The following ADAMTS17 variants were observed in gnomAD, a reference collection of about 807,000 sequenced individuals.
ADAMTS17 encodes A disintegrin and metalloproteinase with thrombospondin motifs 17.
ADAMTS17 carries 113 observed loss-of-function variants against 141.5 expected under a neutral mutation model. That is an observed-to-expected ratio of 0.80 (90% CI 0.69 to 0.93). ADAMTS17 has a LOEUF of 0.93. ADAMTS17 is among the 40% of genes least tolerant of loss of function. ADAMTS17 has a pLI of 0.00. For missense variants in ADAMTS17, 1,659 were observed against 1,517.9 expected, an observed-to-expected ratio of 1.09 and a Z score of -1.54; for synonymous variants, 768 against 630.6, an observed-to-expected ratio of 1.22 and a Z score of -3.27.
intron 8 of ADAMTS17, among the ~76,000 whole-genome samples, chr15:100,159,991 T>A (rs919341150): frequency 6.6e-6 from 1 of 152,098 alleles, no homozygotes; most frequent in Non-Finnish European, 1.5e-5. Context: ...TACACAGAGG[T>A]TGCACTTGCC....
intron 12 of ADAMTS17, among the ~76,000 whole-genome samples, chr15:100,127,846 T>G (rs2037823583): frequency 6.6e-6 from 1 of 151,900 alleles, no homozygotes; most frequent in South Asian, 2.1e-4. Flanking sequence ...AATCCCAAAG[T>G]GCTGGAATTA....
At chr15:99,976,338 CA>C (rs1317811631) in intron 20 of ADAMTS17, 116 bp from the exon 21 acceptor site, 8 of 1,337,778 alleles carry the variant, frequency 6.0e-6, no homozygotes, top group African/African-American at 3.1e-5. Context: ...TACACGAGGT[CA>C]GGGGGCTGGG....
chr15:100,167,950 G>A (rs58875131), intron 8 of ADAMTS17, among the ~76,000 whole-genome samples: 3,183 of 152,314 alleles, frequency 0.021, 132 homozygotes, highest in East Asian at 0.17. Flanking sequence ...CTCTGGCCCA[G>A]GACACAGAAA....
chr15:99,991,821 A>G (rs1408547420), intron 20 of ADAMTS17, among the ~76,000 whole-genome samples: 1 of 152,226 alleles, frequency 6.6e-6, no homozygotes, highest in Non-Finnish European at 1.5e-5. Context: ...GCACATATAT[A>G]CCACGGAATA....
intron 8 of ADAMTS17, among the ~76,000 whole-genome samples, chr15:100,183,977 G>C (rs978914139): frequency 2.6e-5 from 4 of 152,290 alleles, no homozygotes; most frequent in East Asian, 1.9e-4. Flanking sequence ...CCTCCTATAG[G>C]GGGGTCAGGG....
At chr15:100,055,193 T>C (rs569812792) in intron 15 of ADAMTS17, among the ~76,000 whole-genome samples, 10 of 152,288 alleles carry the variant, frequency 6.6e-5, no homozygotes, top group Middle Eastern at 3.4e-3. Context: ...ATATATCTCA[T>C]TGGGACCCTA....
chr15:100,326,376 G>C (rs2045901514), intron 3 of ADAMTS17, among the ~76,000 whole-genome samples: 1 of 152,146 alleles, frequency 6.6e-6, no homozygotes, highest in Non-Finnish European at 1.5e-5. Flanking sequence ...TATCCACTGG[G>C]AGAGCTACGG....
intron 4 of ADAMTS17, among the ~76,000 whole-genome samples, chr15:100,271,047 C>T (rs907225723): frequency 5.9e-5 from 9 of 152,024 alleles, no homozygotes; most frequent in South Asian, 2.1e-4. Flanking sequence ...GTCTTCACAG[C>T]TCATCTATGT....
At chr15:100,305,876 C>G (rs2045205935) in intron 3 of ADAMTS17, 1 of 152,220 alleles carries the variant, frequency 6.6e-6, no homozygotes, top group African/African-American at 2.4e-5. Flanking sequence ...TTTAAACAAA[C>G]TCATCACATT....
At chr15:100,100,880 C>T (rs2036055505) in intron 14 of ADAMTS17, among the ~76,000 whole-genome samples, 1 of 152,026 alleles carries the variant, frequency 6.6e-6, no homozygotes, top group Non-Finnish European at 1.5e-5. Flanking sequence ...CTGCCTTCCT[C>T]CCCCACTCCA....
At chr15:100,274,146 G>C (rs1354224570) in intron 4 of ADAMTS17, among the ~76,000 whole-genome samples, 1 of 152,136 alleles carries the variant, frequency 6.6e-6, no homozygotes, top group Admixed American at 6.5e-5. Context: ...GGAAAAAAAA[G>C]TCTTCCATTG....
At chr15:100,020,289 T>C (rs548777252) in intron 18 of ADAMTS17, among the ~76,000 whole-genome samples, 23 of 152,274 alleles carry the variant, frequency 1.5e-4, no homozygotes, top group Middle Eastern at 6.8e-3. Flanking sequence ...TCTCAGAAAA[T>C]GTCCTGGGGC....
At chr15:100,028,074 C>A (rs775524312) in intron 18 of ADAMTS17, among the ~76,000 whole-genome samples, 12 of 152,144 alleles carry the variant, frequency 7.9e-5, no homozygotes, top group Non-Finnish European at 1.3e-4. Flanking sequence ...AACTGTAGTG[C>A]CTGGGTGATG....
chr15:100,298,944 G>T (rs973558933), intron 3 of ADAMTS17, among the ~76,000 whole-genome samples: 1 of 152,172 alleles, frequency 6.6e-6, no homozygotes, highest in African/African-American at 2.4e-5. Context: ...GGCCACGAGG[G>T]AAGGACTTGT....
At position 100,051,640 on chromosome 15, in the gene ADAMTS17, T is replaced by A; in HGVS notation, c.2387A>T (p.Lys796Ile). Residue 796 changes from lysine (K) to isoleucine (I), a missense_variant, in exon 17 of 22, where the codon AAA becomes ATA. Transcript: ENST00000268070. ...CCAGATGAACAAAGAGTCCTGCGGT[T>A]TTTCTGGTTCGCTTTGATTTTCCGC... The part of the protein sequence containing the change: ...RTAENQSEPE[K>I]PQDSLFIWTH... The A allele has an allele frequency of 6.2e-7, 1 of 1,614,208 alleles. No homozygotes were observed. Among genetic ancestry groups the A allele is most frequent in the Non-Finnish European group, 8.5e-7 (1 of 1,180,030 alleles).
chr15:100,091,010 C>CAAAAAAAAAAAAAA (rs556800178), intron 15 of ADAMTS17, among the ~76,000 whole-genome samples: 3,861 of 53,980 alleles, frequency 0.072, 289 homozygotes, highest in East Asian at 0.25. Context: ...TCCGTCTCAA[C>CAAAAAAAAAAAAAA]AAAAAAAAAA....
At chr15:99,976,595 G>GGTGGCTTTGGGAGGTGA in intron 20 of ADAMTS17, 1 of 386,706 alleles carries the variant, frequency 2.6e-6, no homozygotes, top group South Asian at 2.2e-5. Flanking sequence ...CGTGGAGGTG[G>GGTGGCTTTGGGAGGTGA]GTGGCTTTGG....
chr15:100,054,182 C>T (rs1024710443), intron 15 of ADAMTS17, 128 bp from the exon 16 acceptor site: 3 of 1,102,290 alleles, frequency 2.7e-6, no homozygotes, highest in South Asian at 2.5e-5. Flanking sequence ...AGGAGGGAGG[C>T]CTGAAGCGAG....
chr15:100,259,732 G>T (rs1414273698), intron 6 of ADAMTS17, among the ~76,000 whole-genome samples: 1 of 152,272 alleles, frequency 6.6e-6, no homozygotes, highest in East Asian at 1.9e-4. Flanking sequence ...AAAGCACACT[G>T]TGAAATGTGT....
Sources: allele counts gnomAD v4.1 joint callset (sites outside exome capture counted in the v4.1 genomes callset), GRCh38; gene constraint gnomAD v4.1.1; transcripts MANE v1.5; gene names NCBI Gene and HGNC (gene_info 2026-07-23, HGNC 2026-07-21).